Variants in CDH13 observed in about 807,000 individuals in gnomAD.
CDH13 encodes cadherin-13.
CDH13 carries 24 observed loss-of-function variants against 63.8 expected under a neutral mutation model. That is an observed-to-expected ratio of 0.38 (90% CI 0.27 to 0.53). The LOEUF is 0.53. CDH13 is among the 20% of genes least tolerant of loss of function. CDH13 has a pLI of 0.85. For missense variants in CDH13, 1,049 were observed against 903.1 expected, an observed-to-expected ratio of 1.16 and a Z score of -2.07; for synonymous variants, 503 against 355.3, an observed-to-expected ratio of 1.42 and a Z score of -4.67.
At chr16:83,497,933 A>G (rs989898936) in intron 7 of CDH13, among the ~76,000 whole-genome samples, 1 of 152,240 alleles carries the variant, frequency 6.6e-6, no homozygotes, top group African/African-American at 2.4e-5. Context: ...ATCATGGGTG[A>G]TGGGTCTGAT....
chr16:83,420,846 G>A (rs965569814), intron 6 of CDH13, among the ~76,000 whole-genome samples: 1 of 152,186 alleles, frequency 6.6e-6, no homozygotes, highest in Non-Finnish European at 1.5e-5. Context: ...AAGTCCCAGA[G>A]TCCAAAGGCT....
intron 1 of CDH13, among the ~76,000 whole-genome samples, chr16:82,693,414 CA>C (rs1235760884): frequency 1.3e-5 from 2 of 151,462 alleles, no homozygotes. Context: ...CATATCTGTG[CA>C]CCTCTTTGCT....
chr16:83,492,877 C>A (rs572722067), intron 7 of CDH13, among the ~76,000 whole-genome samples: 1 of 152,168 alleles, frequency 6.6e-6, no homozygotes, highest in African/African-American at 2.4e-5. Flanking sequence ...AACCACTTCC[C>A]CCATCCCTCT....
intron 2 of CDH13, among the ~76,000 whole-genome samples, chr16:82,989,619 G>A (rs1911402029): frequency 6.6e-6 from 1 of 152,192 alleles, no homozygotes; most frequent in Non-Finnish European, 1.5e-5. Context: ...TGATACAATG[G>A]AGACTTTAAT....
At chr16:82,857,892 A>C (rs942395670) in intron 1 of CDH13, among the ~76,000 whole-genome samples, 1 of 152,166 alleles carries the variant, frequency 6.6e-6, no homozygotes, top group African/African-American at 2.4e-5. Context: ...CATGGTCACC[A>C]TATTGGGCCA....
intron 3 of CDH13, among the ~76,000 whole-genome samples, chr16:83,036,730 C>G (rs111723950): frequency 0.015 from 2,262 of 152,220 alleles, 49 homozygotes; most frequent in African/African-American, 0.048. Context: ...CTGCTTCTTC[C>G]CAGCCCTTTG....
At chr16:82,639,414 G>C in intron 1 of CDH13, 1 of 1,535,630 alleles carries the variant, frequency 6.5e-7, no homozygotes, top group Non-Finnish European at 8.7e-7. Context: ...ATCCCAGTGA[G>C]AATGGCCCAC....
At chr16:82,827,073 A>T (rs1360828720) in intron 1 of CDH13, among the ~76,000 whole-genome samples, 1 of 152,174 alleles carries the variant, frequency 6.6e-6, no homozygotes, top group Non-Finnish European at 1.5e-5. Context: ...CAGTGGACAC[A>T]TTTGGCCCAT....
chr16:82,844,774 G>C (rs1296846029), intron 1 of CDH13: 1 of 146,654 alleles, frequency 6.8e-6, no homozygotes, highest in Non-Finnish European at 1.5e-5. Context: ...TGAGTATCTG[G>C]GACTACAGGC....
chr16:82,800,288 C>G (rs772617075), intron 1 of CDH13, among the ~76,000 whole-genome samples: 1 of 152,022 alleles, frequency 6.6e-6, no homozygotes, highest in African/African-American at 2.4e-5. Context: ...TAGGTTAGGT[C>G]TCCTTTAAAA....
intron 7 of CDH13, among the ~76,000 whole-genome samples, chr16:83,570,326 C>A (rs1341938542): frequency 6.6e-6 from 1 of 152,126 alleles, no homozygotes; most frequent in Non-Finnish European, 1.5e-5. Context: ...TTCACCCCAC[C>A]TTCTAAAATC....
chr16:82,743,386 C>T (rs2034021425), intron 1 of CDH13, among the ~76,000 whole-genome samples: 1 of 152,044 alleles, frequency 6.6e-6, no homozygotes, highest in Non-Finnish European at 1.5e-5. Context: ...GACCACGGCA[C>T]CTGGCTAATT....
Position 83,466,976 on chromosome 16 carries a change from T to G in CDH13, c.782-19501T>G, listed in dbSNP as rs369097158. On this transcript the variant is annotated intron_variant, in intron 6 of 13. Transcript: ENST00000567109. ...TGCCGACTAACTTCTCTCCTCCTGA[T>G]AGTCTCTGCTTTATGTATTTTCCTT... Among the ~76,000 whole-genome samples the G allele has an allele frequency of 1.4e-3, 213 of 152,314 alleles. 5 individuals are homozygous for G. The South Asian group carries it at 0.041, about 29-fold the overall frequency.
At chr16:83,013,649 A>G (rs114655752) in intron 2 of CDH13, among the ~76,000 whole-genome samples, 133 of 152,360 alleles carry the variant, frequency 8.7e-4, no homozygotes, top group African/African-American at 3.1e-3. Context: ...TAACTTGTCT[A>G]TTCCTCAGAG....
chr16:83,325,977 G>C (rs1440018569), intron 5 of CDH13, among the ~76,000 whole-genome samples: 1 of 152,002 alleles, frequency 6.6e-6, no homozygotes, highest in African/African-American at 2.4e-5. Context: ...AACTGAAAGA[G>C]AAAAAAGGTG....
At chr16:83,016,082 C>T (rs536281148) in intron 2 of CDH13, among the ~76,000 whole-genome samples, 11 of 152,216 alleles carry the variant, frequency 7.2e-5, no homozygotes, top group African/African-American at 2.6e-4. Flanking sequence ...ATCCTTCATT[C>T]CCATGAGACT....
chr16:83,495,844 C>G (rs866348870), intron 7 of CDH13, among the ~76,000 whole-genome samples: 6 of 152,094 alleles, frequency 3.9e-5, no homozygotes, highest in Non-Finnish European at 4.4e-5. Flanking sequence ...CCTCATTATG[C>G]AGGTACTTAT....
intron 7 of CDH13, among the ~76,000 whole-genome samples, chr16:83,501,629 C>A (rs1165673289): frequency 2.0e-5 from 3 of 152,198 alleles, no homozygotes; most frequent in African/African-American, 4.8e-5. Context: ...GAAATTGCCA[C>A]ATCCATTCTA....
chr16:83,551,659 G>C, intron 7 of CDH13, among the ~76,000 whole-genome samples: 1 of 152,070 alleles, frequency 6.6e-6, no homozygotes, highest in Non-Finnish European at 1.5e-5. Flanking sequence ...CACTGTCTTT[G>C]TTTAAGATGT....
Sources: allele counts gnomAD v4.1 joint callset (sites outside exome capture counted in the v4.1 genomes callset), GRCh38; gene constraint gnomAD v4.1.1; transcripts MANE v1.5; gene names NCBI Gene and HGNC (gene_info 2026-07-23, HGNC 2026-07-21).